PRUNE1: variants seen among roughly 807,000 people sequenced by gnomAD.
PRUNE1 encodes the protein exopolyphosphatase PRUNE1.
A neutral mutation model predicts 42.5 loss-of-function variants in PRUNE1; 25 were observed. The ratio of observed to expected loss-of-function variants is 0.59; its 90% CI spans 0.43 to 0.82. The LOEUF (loss-of-function observed/expected upper bound fraction) is 0.82. Ranked by LOEUF, PRUNE1 falls within the 40% of genes least tolerant of loss-of-function variation. The pLI, the probability that PRUNE1 is intolerant of heterozygous loss-of-function variation, is 0.00. For missense variants in PRUNE1, 443 were observed against 539.3 expected, an observed-to-expected ratio of 0.82 and a Z score of 1.77; for synonymous variants, 203 against 217.1, an observed-to-expected ratio of 0.93 and a Z score of 0.57.
chr1:151,025,745 A>ATTT, intron 5 of PRUNE1, 72 bp downstream of exon 5: 1 of 1,139,218 alleles, frequency 8.8e-7, no homozygotes. Flanking sequence ...TCATTATATT[A>ATTT]TTTTTTTTTT....
In PRUNE1 at chr1:151,018,547, C is replaced by T; in HGVS notation, c.213C>T (p.Phe71=). ...SELPLRGDIV[F]FLQKVHIPES... ...TACCTCTGCGAGGTGACATTGTCTTCTTTCTTCAGAAGGTTCATATTCCAG... is the reference window on the plus strand; with the variant it reads ...TACCTCTGCGAGGTGACATTGTCTTTTTTCTTCAGAAGGTTCATATTCCAG... Residue 71 remains phenylalanine (F), a synonymous_variant, in exon 3 of 8, where the codon TTC becomes TTT. Transcript: ENST00000271620. 1 of 1,613,926 alleles carries T rather than the reference C, an allele frequency of 6.2e-7. No individual in the cohort carries two copies. Among genetic ancestry groups the T allele is most frequent in the Non-Finnish European group, 8.5e-7 (1 of 1,179,842 alleles).
At chr1:151,030,700 G>A (rs1011383599) in intron 7 of PRUNE1, among the ~76,000 whole-genome samples, 1 of 152,110 alleles carries the variant, frequency 6.6e-6, no homozygotes, top group Non-Finnish European at 1.5e-5. Flanking sequence ...TAGCCAGGCA[G>A]GTCTCGAACT....
chr1:151,025,533 G>C lies in PRUNE1; in HGVS notation c.539G>C (p.Cys180Ser). 1 of 1,613,960 alleles carries C rather than the reference G, an allele frequency of 6.2e-7. No homozygotes were observed. Among genetic ancestry groups the C allele is most frequent in the Non-Finnish European group, 8.5e-7 (1 of 1,179,948 alleles). Reference protein sequence around the residue: ...ALLHGTIILDCVNMDLKIGKA... With the variant: ...ALLHGTIILDSVNMDLKIGKA... The stretch of plus-strand genomic sequence containing the variant: ...TCCACAGGAACCATCATCCTGGACT[G>C]TGTCAACATGGACCTTAAAATTGGA... Residue 180 changes from cysteine to serine, a missense_variant, in exon 5 of 8, where the codon TGT becomes TCT. By Grantham distance (112) the Cys-to-Ser change is moderately radical. Transcript: ENST00000271620.
At chr1:151,028,350 C>T (rs948617777) in intron 6 of PRUNE1, among the ~76,000 whole-genome samples, 2 of 152,162 alleles carry the variant, frequency 1.3e-5, no homozygotes, top group African/African-American at 4.8e-5. Flanking sequence ...AGTAATTCTC[C>T]TGCCTCAGCC....
Position 151,032,973 on chromosome 1 carries a change from C to G in PRUNE1, c.934-833C>G, listed in dbSNP as rs138086088. 2.8e-4 allele frequency among the ~76,000 whole-genome samples: 42 copies of G among 151,972 alleles called. No homozygotes were observed. The East Asian group carries it at 5.1e-3, about 18-fold the overall frequency. On this transcript the variant is annotated intron_variant, in intron 7 of 7. Coordinates refer to ENST00000271620, the MANE Select transcript of PRUNE1 (RefSeq NM_021222.3). ...ATTTTTCGTAGAGATGGGGTTTCAGCATGTTGACAAGGCTGTTCTCGAATT... is the reference window on the plus strand; with the variant it reads ...ATTTTTCGTAGAGATGGGGTTTCAGGATGTTGACAAGGCTGTTCTCGAATT...
chr1:151,015,791 AGAC>A (rs1168171726), intron 1 of PRUNE1, among the ~76,000 whole-genome samples: 1 of 152,120 alleles, frequency 6.6e-6, no homozygotes, highest in Non-Finnish European at 1.5e-5. Flanking sequence ...TTACAGAGTG[AGAC>A]CCTGTCTCAA....
chr1:151,029,043 C>T lies in PRUNE1; in HGVS notation c.933+99C>T, dbSNP rs1675062934. 5.5e-6 allele frequency: 7 copies of T among 1,266,634 alleles called. No homozygotes were observed. In the Admixed American group the frequency reaches 1.8e-4, roughly 32 times the overall value. 78.5% of individuals were successfully genotyped at this position (1,266,634 alleles called of 1,614,324 possible). ...GTCCTATAAGGACCTCTCTTAGGTT[C>T]TTATATTAATGTACTTACATGAGGT... On this transcript the variant is annotated intron_variant, in intron 7 of 7. Transcript: ENST00000271620.
At chr1:151,015,385 C>T (rs1674045040) in intron 1 of PRUNE1, among the ~76,000 whole-genome samples, 2 of 148,222 alleles carry the variant, frequency 1.3e-5, no homozygotes. Context: ...CCTGTAATCC[C>T]AGCACTTTGG....
chr1:151,017,756 T>TAA, intron 1 of PRUNE1, 56 bp from the exon 2 acceptor site: 2 of 1,141,424 alleles, frequency 1.8e-6, no homozygotes, highest in Non-Finnish European at 2.5e-6. Flanking sequence ...AAAAAAAAGA[T>TAA]AAGTGGAAAT....
chr1:151,021,396 G>A (rs958674575), intron 3 of PRUNE1, among the ~76,000 whole-genome samples: 2 of 151,962 alleles, frequency 1.3e-5, no homozygotes, highest in Non-Finnish European at 2.9e-5. Context: ...CAGAGGTTGC[G>A]GTGAGCCGAG....
At chr1:151,026,262 G>A (rs1571803594) in intron 5 of PRUNE1, among the ~76,000 whole-genome samples, 2 of 151,616 alleles carry the variant, frequency 1.3e-5, no homozygotes, top group Non-Finnish European at 2.9e-5. Context: ...TTCAAGACCA[G>A]CCTAGCTAAC....
At chr1:151,031,320 C>T (rs966604918) in intron 7 of PRUNE1, among the ~76,000 whole-genome samples, 2 of 151,662 alleles carry the variant, frequency 1.3e-5, no homozygotes, top group South Asian at 4.2e-4. Context: ...CAAGTAGCTG[C>T]GGCTACAGGC....
intron 1 of PRUNE1, 84 bp downstream of exon 1, chr1:151,008,755 C>G: frequency 2.1e-6 from 3 of 1,447,460 alleles, no homozygotes; most frequent in Non-Finnish European, 2.9e-6. Flanking sequence ...GGAGCCTCGA[C>G]GGTCCGTGTG....
intron 3 of PRUNE1, among the ~76,000 whole-genome samples, chr1:151,019,595 G>A (rs1674298113): frequency 1.4e-5 from 2 of 145,492 alleles, no homozygotes; most frequent in Admixed American, 6.9e-5. Flanking sequence ...CAGATTTATT[G>A]TAATAGAAAC....
chr1:151,012,948 C>T (rs913418913), intron 1 of PRUNE1, among the ~76,000 whole-genome samples: 8 of 151,802 alleles, frequency 5.3e-5, no homozygotes, highest in Admixed American at 6.6e-5. Flanking sequence ...AATTTTTGTG[C>T]TTTTTAGTTT....
intron 7 of PRUNE1, among the ~76,000 whole-genome samples, chr1:151,030,287 C>T (rs587683877): frequency 8.3e-4 from 124 of 149,434 alleles, no homozygotes; most frequent in African/African-American, 3.0e-3. Flanking sequence ...AAAAGGTGGG[C>T]TTAAGGCAGT....
chr1:151,033,720 T>G, intron 7 of PRUNE1, 86 bp from the exon 8 acceptor site: 1 of 1,322,432 alleles, frequency 7.6e-7, no homozygotes, highest in Non-Finnish European at 1.1e-6. Flanking sequence ...AGCTTCCTCT[T>G]CTATAGAGGA....
chr1:151,028,842 C>G lies in PRUNE1; in HGVS notation c.831C>G (p.His277Gln). ...ATCTCCATGCTTTCTGCCAGGCTCA[C>G]AGCTATGATGTCCTGGTTGCCATGA... ...LADLHAFCQA[H>Q]SYDVLVAMTI... Residue 277 changes from histidine to glutamine, a missense_variant, in exon 7 of 8, where the codon CAC becomes CAG. By Grantham distance (24) the His-to-Gln change is conservative. Transcript: ENST00000271620. The G allele has an allele frequency of 6.2e-7, 1 of 1,614,100 alleles. No individual in the cohort carries two copies. Among genetic ancestry groups the G allele is most frequent in the Non-Finnish European group, 8.5e-7 (1 of 1,179,940 alleles).
chr1:151,022,802 ATCT>A (rs1674561554), intron 3 of PRUNE1: 2 of 152,258 alleles, frequency 1.3e-5, no homozygotes, highest in African/African-American at 4.8e-5. Context: ...GGCCATGCTA[ATCT>A]TCTCTGTGTC....
Sources: gnomAD v4.1 joint callset for allele counts (sites outside exome capture counted in the v4.1 genomes callset) on GRCh38, gnomAD v4.1.1 for gene constraint, MANE v1.5 for transcripts, NCBI Gene and HGNC (gene_info 2026-07-23, HGNC 2026-07-21) for gene names.